Variants in PTPRO observed in about 807,000 individuals in gnomAD.
PTPRO encodes the protein protein tyrosine phosphatase receptor type O.
Under a neutral mutation model 145.2 loss-of-function variants are expected in PTPRO, and 62 were observed. The observed-to-expected ratio is 0.43, with a 90% CI of 0.35 to 0.53. The LOEUF (loss-of-function observed/expected upper bound fraction) is 0.53. Ranked by LOEUF, PTPRO falls within the 20% of genes least tolerant of loss-of-function variation. PTPRO has a pLI of 0.01. For synonymous variants in PTPRO, 565 were observed against 514.7 expected (o/e 1.10, Z -1.32); for missense variants, 1,345 against 1,482.7 (o/e 0.91, Z 1.53).
chr12:15,349,218 C>A (rs939593642), intron 1 of PTPRO, among the ~76,000 whole-genome samples: 1 of 152,024 alleles, frequency 6.6e-6, no homozygotes, highest in African/African-American at 2.4e-5. Flanking sequence ...GAGAACAAAC[C>A]ATTTTAAGAT....
intron 1 of PTPRO, among the ~76,000 whole-genome samples, chr12:15,356,553 A>G (rs188328458): frequency 6.6e-5 from 10 of 152,322 alleles, no homozygotes; most frequent in African/African-American, 2.2e-4. Flanking sequence ...TGAAAGAGAA[A>G]TGGAGCAGCA....
At position 15,555,946 on chromosome 12, in the gene PTPRO, C is replaced by A. The variant is rs117019122; in HGVS notation, c.2559-1509C>A. 3.3e-3 allele frequency among the ~76,000 whole-genome samples: 500 copies of A among 152,162 alleles called. 2 individuals are homozygous for A. Among genetic ancestry groups the A allele is most frequent in the South Asian group, 0.011 (53 of 4,814 alleles). ...AATTTCATCATGGTGATGCATATGACCAATATTTCAAGATATCTGCAGCAA... is the reference window on the plus strand; with the variant it reads ...AATTTCATCATGGTGATGCATATGAACAATATTTCAAGATATCTGCAGCAA... On this transcript the variant is annotated intron_variant, in intron 15 of 26. Transcript: ENST00000281171.
At chr12:15,545,796 G>A (rs1215827502) in intron 12 of PTPRO, among the ~76,000 whole-genome samples, 1 of 152,072 alleles carries the variant, frequency 6.6e-6, no homozygotes, top group Non-Finnish European at 1.5e-5. Flanking sequence ...TACTTTGGGA[G>A]GCCAAAGTGG....
At chr12:15,568,983 T>C (rs1212889286) in intron 18 of PTPRO, among the ~76,000 whole-genome samples, 1 of 152,188 alleles carries the variant, frequency 6.6e-6, no homozygotes, top group Non-Finnish European at 1.5e-5. Context: ...ATTTTATGGA[T>C]GAGAACATTG....
rs1591776237 is a variant in PTPRO, at chr12:15,589,599, A to G, written c.3546+9A>G. The G allele has an allele frequency of 5.0e-6, 8 of 1,613,940 alleles. No individual in the cohort carries two copies. The highest frequency in any genetic ancestry group is 6.8e-6 in the Non-Finnish European group (8 of 1,179,876). ...CTATGGTACAGACAGAGGTAGGAAC[A>G]TAATCTATATGTATTTTTAAATTTT... On this transcript the variant is annotated intron_variant, in intron 25 of 26. Transcript: ENST00000281171.
In PTPRO at chr12:15,597,553, T is replaced by G. The variant is rs1032635075; in HGVS notation, c.*1480T>G. On this transcript the variant is annotated 3_prime_UTR_variant, in exon 27 of 27. Coordinates refer to ENST00000281171, the MANE Select transcript of PTPRO (RefSeq NM_030667.3). ...AATATTTTATCAGTGACCTTAGTGT[T>G]GGTGAAGGATGCCAAATGAACAGCT... 1.3e-5 allele frequency among the ~76,000 whole-genome samples: 2 copies of G among 152,222 alleles called. No homozygotes were observed. The highest frequency in any genetic ancestry group is 4.8e-5 in the African/African-American group (2 of 41,452).
At chr12:15,376,381 T>C (rs1938687984) in intron 1 of PTPRO, among the ~76,000 whole-genome samples, 1 of 152,076 alleles carries the variant, frequency 6.6e-6, no homozygotes. Context: ...GAAGGAGAGA[T>C]TGAGATATTT....
At chr12:15,373,242 A>T (rs1239364933) in intron 1 of PTPRO, among the ~76,000 whole-genome samples, 1 of 152,202 alleles carries the variant, frequency 6.6e-6, no homozygotes, top group Non-Finnish European at 1.5e-5. Flanking sequence ...GCTGCTCTGT[A>T]CCATTAATGC....
intron 25 of PTPRO, among the ~76,000 whole-genome samples, chr12:15,591,286 G>C (rs1944546208): frequency 6.6e-6 from 1 of 152,070 alleles, no homozygotes; most frequent in African/African-American, 2.4e-5. Flanking sequence ...CAAGAGAGTT[G>C]CTTGAACCCA....
intron 12 of PTPRO, among the ~76,000 whole-genome samples, chr12:15,542,779 A>T (rs929739220): frequency 2.0e-5 from 3 of 152,172 alleles, no homozygotes; most frequent in Non-Finnish European, 4.4e-5. Flanking sequence ...CTTTTCTCAC[A>T]CTAGGTCTTT....
Position 15,362,972 on chromosome 12 carries a change from T to C in PTPRO, c.75+40171T>C, listed in dbSNP as rs552597583. The stretch of plus-strand genomic sequence containing the variant: ...GCTGAAATATTTTTAAACATTATAT[T>C]TTTTCTATTATTACTTGAGCTTTTT... On this transcript the variant is annotated intron_variant, in intron 1 of 26. Transcript: ENST00000281171. 2.0e-5 allele frequency among the ~76,000 whole-genome samples: 3 copies of C among 152,310 alleles called. 1 individual carries two copies. The South Asian group carries it at 6.2e-4, about 32-fold the overall frequency.
At position 15,544,506 on chromosome 12, in the gene PTPRO, C is replaced by CAAAAAAA. The variant is rs61249816; in HGVS notation, c.2165-2048_2165-2042dup. On this transcript the variant is annotated intron_variant, in intron 12 of 26. Transcript: ENST00000281171. ...CTGGTGACAGAGCGAGACTCCATCT[C>CAAAAAAA]AAAAAAAAAAAAAAAAAAAAAGATT... Among the ~76,000 whole-genome samples, 27 of 73,148 alleles carry CAAAAAAA rather than the reference C, an allele frequency of 3.7e-4. 2 individuals carry two copies. Among genetic ancestry groups the CAAAAAAA allele is most frequent in the Non-Finnish European group, 4.5e-4 (17 of 37,486 alleles). 48.0% of individuals were successfully genotyped at this position (73,148 alleles called of 152,430 possible).
chr12:15,452,656 A>G (rs1002562402), intron 1 of PTPRO, among the ~76,000 whole-genome samples: 8 of 152,342 alleles, frequency 5.3e-5, no homozygotes, highest in African/African-American at 1.9e-4. Context: ...ACCATGATCA[A>G]ATGGGTTTCA....
In PTPRO at chr12:15,322,630, C is replaced by G; in HGVS notation, c.-97C>G. ...CGCTCGCCAGGAGCAACCTCGGCGC[C>G]CAGGGTCTGAGGCTGCAGCCCCAGT... On this transcript the variant is annotated 5_prime_UTR_variant, in exon 1 of 27. Transcript: ENST00000281171. The surrounding 1 kb of genome is among the most constrained non-coding windows in gnomAD (Gnocchi z 6.3). The G allele has an allele frequency of 9.3e-7, 1 of 1,072,644 alleles. No individual in the cohort carries two copies. Among genetic ancestry groups the G allele is most frequent in the Non-Finnish European group, 1.4e-6 (1 of 711,996 alleles). 66.4% of individuals were successfully genotyped at this position (1,072,644 alleles called of 1,614,324 possible). A position where few individuals can be genotyped will look rare whatever the true frequency, so the allele number is the denominator to read the frequency against.
At chr12:15,570,308 T>G (rs1319729222) in intron 19 of PTPRO, among the ~76,000 whole-genome samples, 2 of 151,834 alleles carry the variant, frequency 1.3e-5, no homozygotes, top group African/African-American at 4.9e-5. Context: ...AAAGTGATTT[T>G]TCTAAATTCT....
At chr12:15,441,967 A>C (rs1565631646) in intron 1 of PTPRO, among the ~76,000 whole-genome samples, 1 of 152,134 alleles carries the variant, frequency 6.6e-6, no homozygotes, top group Admixed American at 6.5e-5. Flanking sequence ...ATTTCAAAAA[A>C]TCAAGAAGGG....
intron 1 of PTPRO, among the ~76,000 whole-genome samples, chr12:15,437,619 C>G (rs563176377): frequency 6.6e-6 from 1 of 152,218 alleles, no homozygotes; most frequent in East Asian, 1.9e-4. Flanking sequence ...GGTGTGGCAA[C>G]CTGGGTTGCA....
intron 1 of PTPRO, among the ~76,000 whole-genome samples, chr12:15,401,161 A>G (rs1020614184): frequency 1.3e-5 from 2 of 152,244 alleles, no homozygotes; most frequent in Admixed American, 1.3e-4. Flanking sequence ...ATTGCCAGTC[A>G]TGACAGAAGA....
In PTPRO at chr12:15,502,052, T is replaced by C. The variant is rs760277949; in HGVS notation, c.1094T>C (p.Ile365Thr). 5 of 1,610,744 alleles carry C rather than the reference T, an allele frequency of 3.1e-6. No homozygotes were observed. The South Asian group carries it at 5.5e-5, about 18-fold the overall frequency. Residue 365 changes from isoleucine to threonine, a missense_variant, in exon 5 of 27, where the codon ATT becomes ACT. This residue lies in a region of PTPRO where 1,130 missense variants were observed against 1,214.7 expected (regional missense o/e 0.93). Coordinates refer to ENST00000281171, the MANE Select transcript of PTPRO (RefSeq NM_030667.3). ...PTAFDGFHIH[I>T]EREENFTEYL... ...GCTTTTGATGGGTTCCATATCCATATTGAACGAGAAGGTAAAGCAGTAGGA... is the reference window on the plus strand; with the variant it reads ...GCTTTTGATGGGTTCCATATCCATACTGAACGAGAAGGTAAAGCAGTAGGA...
Sources: allele counts gnomAD v4.1 joint callset (sites outside exome capture counted in the v4.1 genomes callset), GRCh38; gene constraint gnomAD v4.1.1; regional missense constraint gnomAD v4.1.1; non-coding constraint Gnocchi (gnomAD v3.1); transcripts MANE v1.5; gene names NCBI Gene and HGNC (gene_info 2026-07-23, HGNC 2026-07-21).